Variants in DDX10 observed in about 807,000 individuals in gnomAD.
DDX10 encodes the protein probable ATP-dependent RNA helicase DDX10.
Under a neutral mutation model 104.3 loss-of-function variants are expected in DDX10, and 74 were observed. The ratio of observed to expected loss-of-function variants is 0.71; its 90% CI spans 0.59 to 0.86. DDX10 has a LOEUF of 0.86. Among genes scored for constraint, DDX10 ranks in the 40% least tolerant of loss-of-function variants. The probability of loss-of-function intolerance (pLI) is 0.00; values close to 1 mark genes in which losing one functional copy is unlikely to be tolerated. For synonymous variants in DDX10, 351 were observed against 353.4 expected, an observed-to-expected ratio of 0.99 and a Z score of 0.08; for missense variants, 952 against 1,040.0, an observed-to-expected ratio of 0.92 and a Z score of 1.16.
chr11:108,742,714 C>T (rs2094326775), intron 13 of DDX10, among the ~76,000 whole-genome samples: 2 of 152,044 alleles, frequency 1.3e-5, no homozygotes, highest in African/African-American at 4.8e-5. Context: ...AGAACATTAC[C>T]ACTGACCCTA....
intron 13 of DDX10, among the ~76,000 whole-genome samples, chr11:108,836,111 G>C (rs1862552018): frequency 6.6e-6 from 1 of 152,044 alleles, no homozygotes; most frequent in Non-Finnish European, 1.5e-5. Context: ...CTATTCTCCA[G>C]CCTCAATTAT....
At chr11:108,768,252 A>T (rs1471023178) in intron 13 of DDX10, among the ~76,000 whole-genome samples, 1 of 152,156 alleles carries the variant, frequency 6.6e-6, no homozygotes, top group African/African-American at 2.4e-5. Flanking sequence ...AGCGCCCCTA[A>T]TTCCTGTGTT....
At chr11:108,818,877 A>C (rs1443935164) in intron 13 of DDX10, among the ~76,000 whole-genome samples, 2 of 152,120 alleles carry the variant, frequency 1.3e-5, no homozygotes, top group Non-Finnish European at 2.9e-5. Flanking sequence ...TATATTTGGG[A>C]GATGGATGGC....
At chr11:108,712,607 G>A (rs528551530) in intron 10 of DDX10, among the ~76,000 whole-genome samples, 1 of 151,964 alleles carries the variant, frequency 6.6e-6, no homozygotes, top group East Asian at 1.9e-4. Context: ...TTATATCATT[G>A]ATGTCATTCA....
chr11:108,695,323 T>C (rs1179001787), intron 9 of DDX10, among the ~76,000 whole-genome samples: 1 of 152,242 alleles, frequency 6.6e-6, no homozygotes, highest in Non-Finnish European at 1.5e-5. Context: ...AACTGGATGA[T>C]TGGGTATTTA....
At chr11:108,751,319 A>G (rs2094338438) in intron 13 of DDX10, among the ~76,000 whole-genome samples, 1 of 152,088 alleles carries the variant, frequency 6.6e-6, no homozygotes, top group African/African-American at 2.4e-5. Context: ...AGGTATCTAA[A>G]GAATCACAAT....
chr11:108,742,480 G>T (rs957244857), intron 13 of DDX10, among the ~76,000 whole-genome samples: 29 of 152,030 alleles, frequency 1.9e-4, no homozygotes, highest in Admixed American at 1.4e-3. Flanking sequence ...CAGGAGAATC[G>T]CTTGAACCTG....
chr11:108,674,150 C>G (rs757194610), intron 2 of DDX10, among the ~76,000 whole-genome samples: 1 of 151,934 alleles, frequency 6.6e-6, no homozygotes, highest in Non-Finnish European at 1.5e-5. Context: ...GGTGAAACCC[C>G]GTCTCTACTA....
At chr11:108,830,990 C>T (rs1216116689) in intron 13 of DDX10, among the ~76,000 whole-genome samples, 1 of 132,524 alleles carries the variant, frequency 7.5e-6, no homozygotes, top group Non-Finnish European at 1.8e-5. Context: ...AGCAGCTGGG[C>T]TTGCTTTTTC....
chr11:108,673,699 T>C (rs2094220126), intron 2 of DDX10, among the ~76,000 whole-genome samples, 172 bp downstream of exon 2: 1 of 152,250 alleles, frequency 6.6e-6, no homozygotes, highest in African/African-American at 2.4e-5. Flanking sequence ...ATTCTCATTC[T>C]TTCTGGACTA....
chr11:108,843,911 CTTCTT>C (rs978699506), intron 15 of DDX10, among the ~76,000 whole-genome samples: 3 of 152,044 alleles, frequency 2.0e-5, no homozygotes, highest in East Asian at 1.9e-4. Context: ...CATATTTTTT[CTTCTT>C]TTCTTATATG....
chr11:108,669,739 C>T (rs926188300), intron 1 of DDX10, among the ~76,000 whole-genome samples: 1 of 152,028 alleles, frequency 6.6e-6, no homozygotes, highest in African/African-American at 2.4e-5. Context: ...TTAGGTGGGC[C>T]CAATGTAATC....
chr11:108,797,709 A>G (rs548190090), intron 13 of DDX10, among the ~76,000 whole-genome samples: 4 of 152,194 alleles, frequency 2.6e-5, no homozygotes, highest in African/African-American at 7.2e-5. Flanking sequence ...AAATACTTCT[A>G]TTGTGCTTGG....
At chr11:108,817,560 T>C (rs1862272089) in intron 13 of DDX10, among the ~76,000 whole-genome samples, 2 of 152,338 alleles carry the variant, frequency 1.3e-5, no homozygotes, top group African/African-American at 4.8e-5. Context: ...CTCCTTGACA[T>C]ACGTGCATAT....
At chr11:108,802,716 C>CT (rs1185685502) in intron 13 of DDX10, among the ~76,000 whole-genome samples, 1 of 152,138 alleles carries the variant, frequency 6.6e-6, no homozygotes, top group Non-Finnish European at 1.5e-5. Flanking sequence ...GGTGTGTACT[C>CT]TTATTTTTTT....
At chr11:108,914,559 A>G (rs951075441) in intron 16 of DDX10, among the ~76,000 whole-genome samples, 1 of 152,198 alleles carries the variant, frequency 6.6e-6, no homozygotes, top group South Asian at 2.1e-4. Flanking sequence ...GCCTGTTAGA[A>G]TACAAATTCA....
chr11:108,724,284 TAAAA>T (rs879759126), intron 13 of DDX10, among the ~76,000 whole-genome samples: 8 of 149,130 alleles, frequency 5.4e-5, no homozygotes, highest in South Asian at 2.1e-4. Context: ...AACTAAAAAT[TAAAA>T]AAAAAACCTA....
chr11:108,731,342 T>C (rs756883778), intron 13 of DDX10, among the ~76,000 whole-genome samples: 3 of 152,076 alleles, frequency 2.0e-5, no homozygotes, highest in African/African-American at 7.2e-5. Context: ...TCAGCCACCA[T>C]GCCCAGCCCT....
At chr11:108,916,373 C>T (rs963399619) in intron 16 of DDX10, among the ~76,000 whole-genome samples, 1 of 152,012 alleles carries the variant, frequency 6.6e-6, no homozygotes, top group Admixed American at 6.6e-5. Context: ...TCTAATCCCC[C>T]CTCCCCCCAA....
Sources: gnomAD v4.1 joint callset for allele counts (sites outside exome capture counted in the v4.1 genomes callset) on GRCh38, gnomAD v4.1.1 for gene constraint, MANE v1.5 for transcripts, NCBI Gene and HGNC (gene_info 2026-07-23, HGNC 2026-07-21) for gene names.